Variants in IGF2BP2 observed in about 807,000 individuals in gnomAD.
IGF2BP2 encodes the protein insulin-like growth factor 2 mRNA-binding protein 2.
Under a neutral mutation model 75.8 loss-of-function variants are expected in IGF2BP2, and 17 were observed. The ratio of observed to expected loss-of-function variants is 0.22; its 90% CI spans 0.15 to 0.34. IGF2BP2 has a LOEUF of 0.34. IGF2BP2 is among the 10% of genes least tolerant of loss of function. IGF2BP2 has a pLI of 1.00. For missense variants in IGF2BP2, 516 were observed against 772.4 expected, an observed-to-expected ratio of 0.67 and a Z score of 3.93; for synonymous variants, 288 against 295.6, an observed-to-expected ratio of 0.97 and a Z score of 0.26.
intron 2 of IGF2BP2, among the ~76,000 whole-genome samples, chr3:185,801,218 G>A (rs973177203): frequency 5.3e-5 from 8 of 152,154 alleles, no homozygotes; most frequent in East Asian, 3.8e-4. Context: ...AGCTGGGCAC[G>A]GTGGCTCACG....
At position 185,814,958 on chromosome 3, in the gene IGF2BP2, T is replaced by C. The variant is rs543474343; in HGVS notation, c.239+8195A>G. ...TCCTTCTCTAAGACACAGATATTTT[T>C]AAAAATACATATAAAAATGAAAGCA... On this transcript the variant is annotated intron_variant, in intron 2 of 15. Coordinates refer to ENST00000382199, the MANE Select transcript of IGF2BP2 (RefSeq NM_006548.6). 1.6e-4 allele frequency among the ~76,000 whole-genome samples: 24 copies of C among 152,230 alleles called. No homozygotes were observed. The South Asian group carries it at 4.8e-3, about 30-fold the overall frequency.
At chr3:185,677,309 C>T (rs1268482556) in intron 7 of IGF2BP2, among the ~76,000 whole-genome samples, 1 of 151,796 alleles carries the variant, frequency 6.6e-6, no homozygotes, top group African/African-American at 2.4e-5. Context: ...GTCACTGACT[C>T]AGAGCACTGA....
chr3:185,658,316 G>A, intron 11 of IGF2BP2, 25 bp downstream of exon 11: 1 of 1,608,508 alleles, frequency 6.2e-7, no homozygotes, highest in Non-Finnish European at 8.5e-7. Flanking sequence ...AGTGGCAGGT[G>A]CGGCTGAACT....
At chr3:185,791,287 C>T (rs910809549) in intron 2 of IGF2BP2, among the ~76,000 whole-genome samples, 6 of 152,328 alleles carry the variant, frequency 3.9e-5, no homozygotes, top group Non-Finnish European at 5.9e-5. Flanking sequence ...CCAGCTCTGA[C>T]GAAGAGTTCG....
At chr3:185,692,458 T>C (rs1056975002) in intron 5 of IGF2BP2, among the ~76,000 whole-genome samples, 9 of 152,076 alleles carry the variant, frequency 5.9e-5, no homozygotes, top group Admixed American at 2.0e-4. Flanking sequence ...TCCACAAATA[T>C]CCCGGTGTGA....
Position 185,687,057 on chromosome 3 carries a change from A to G in IGF2BP2, c.812T>C (p.Leu271Pro), listed in dbSNP as rs768863666. The G allele has an allele frequency of 1.9e-6, 3 of 1,612,028 alleles. No homozygotes were observed. The highest frequency in any genetic ancestry group is 2.5e-6 in the Non-Finnish European group (3 of 1,179,726). Reference sequence around the variant, plus strand: ...ATCTGGGCATTGCATGCAAACTTACAGTTTGGTCTCATCTGCCTCTTTCTG... The same window carrying G: ...ATCTGGGCATTGCATGCAAACTTACGGTTTGGTCTCATCTGCCTCTTTCTG... The part of the protein sequence containing the change: ...IMQKEADETK[L>P]AEEIPLKILA... The change falls in exon 7 of 16, where the codon CTA becomes CCA. Residue 271 changes from leucine (L) to proline (P), a missense_variant and splice_region_variant. Physicochemically the swap from Leu to Pro is moderately conservative, Grantham distance 98. Around this residue, in one of 3 missense-constraint regions of IGF2BP2, gnomAD observed 312 missense variants for 474.5 expected, o/e 0.66. Transcript: ENST00000382199.
At position 185,774,585 on chromosome 3, in the gene IGF2BP2, ACT is replaced by A. The variant is rs1217508014; in HGVS notation, c.239+48566_239+48567del. On this transcript the variant is annotated intron_variant, in intron 2 of 15. Coordinates refer to ENST00000382199, the MANE Select transcript of IGF2BP2 (RefSeq NM_006548.6). ...ACTCCAGCCTGGGCAACAGAGCGAG[ACT>A]CTGTCTCAAAAAAAAAAAAAGAAAA... Among the ~76,000 whole-genome samples the A allele has an allele frequency of 5.3e-5, 7 of 131,692 alleles. No homozygotes were observed. The East Asian group carries it at 8.3e-4, about 16-fold the overall frequency. The allele number at this position is 131,692 out of a possible 152,430, so 86.4% of individuals were successfully genotyped here. A position where few individuals can be genotyped will look rare whatever the true frequency, so the allele number is the denominator to read the frequency against.
At chr3:185,692,784 C>A in intron 4 of IGF2BP2, 22 bp from the exon 5 acceptor site, 1 of 1,612,572 alleles carries the variant, frequency 6.2e-7, no homozygotes, top group Non-Finnish European at 8.5e-7. Flanking sequence ...GCAAAAACTA[C>A]ACTGTCATAG....
At chr3:185,753,328 CTG>C (rs1351544136) in intron 2 of IGF2BP2, among the ~76,000 whole-genome samples, 3 of 152,158 alleles carry the variant, frequency 2.0e-5, no homozygotes, top group Admixed American at 6.5e-5. Flanking sequence ...CCCTCCAAGT[CTG>C]TGTCTTCTGC....
chr3:185,739,129 G>A (rs531014791), intron 2 of IGF2BP2, among the ~76,000 whole-genome samples: 1 of 152,162 alleles, frequency 6.6e-6, no homozygotes, highest in South Asian at 2.1e-4. Context: ...CCATGTCTGG[G>A]ATTTAGCAGC....
Position 185,644,858 on chromosome 3 carries a change from C to A in IGF2BP2, c.*673G>T, listed in dbSNP as rs1260035730. 6.6e-6 allele frequency: 1 copy of A among 152,574 alleles called. No homozygotes were observed. Among genetic ancestry groups the A allele is most frequent in the Non-Finnish European group, 1.5e-5 (1 of 68,056 alleles). 9.5% of individuals were successfully genotyped at this position (152,574 alleles called of 1,614,324 possible). A position where few individuals can be genotyped will look rare whatever the true frequency, so the allele number is the denominator to read the frequency against. ...GACATACACAGGTGATCCAGAACTG[C>A]CGTGAGTGTCCTTCCGACGAGATTT... On this transcript the variant is annotated 3_prime_UTR_variant, in exon 16 of 16. Transcript: ENST00000382199.
At chr3:185,680,617 T>C (rs1560282210) in intron 7 of IGF2BP2, among the ~76,000 whole-genome samples, 1 of 152,134 alleles carries the variant, frequency 6.6e-6, no homozygotes. Flanking sequence ...CCAAGTGGGA[T>C]TTGTTCCTGG....
chr3:185,743,018 G>C (rs1271042491), intron 2 of IGF2BP2, among the ~76,000 whole-genome samples: 1 of 151,880 alleles, frequency 6.6e-6, no homozygotes, highest in Non-Finnish European at 1.5e-5. Flanking sequence ...AGAATTGCTT[G>C]AATCTGGGAG....
At chr3:185,665,188 G>GAGGAGAAGA (rs1165110656) in intron 10 of IGF2BP2, among the ~76,000 whole-genome samples, 12 of 136,422 alleles carry the variant, frequency 8.8e-5, no homozygotes, top group Non-Finnish European at 1.7e-4. Context: ...AAAAAAAAAA[G>GAGGAGAAGA]AGGAGAAGAA....
intron 2 of IGF2BP2, among the ~76,000 whole-genome samples, chr3:185,721,901 G>A (rs1726604802): frequency 6.6e-6 from 1 of 151,912 alleles, no homozygotes; most frequent in South Asian, 2.1e-4. Context: ...CTGTTTATGA[G>A]GTGCTTTTCT....
At chr3:185,650,318 CT>C (rs202216226) in intron 13 of IGF2BP2, among the ~76,000 whole-genome samples, 7 of 149,778 alleles carry the variant, frequency 4.7e-5, no homozygotes, top group South Asian at 2.1e-4. Context: ...TTACAATGTT[CT>C]TTTTTTTTCT....
At chr3:185,805,675 T>C (rs1738925622) in intron 2 of IGF2BP2, among the ~76,000 whole-genome samples, 1 of 152,120 alleles carries the variant, frequency 6.6e-6, no homozygotes, top group Non-Finnish European at 1.5e-5. Flanking sequence ...CATAGAGTTA[T>C]AGATCACATT....
intron 7 of IGF2BP2, among the ~76,000 whole-genome samples, chr3:185,680,528 C>A (rs1023419548): frequency 2.0e-5 from 3 of 152,104 alleles, no homozygotes; most frequent in Non-Finnish European, 4.4e-5. Flanking sequence ...CCATTATCTC[C>A]GATGAATATT....
chr3:185,654,047 C>T (rs1715035158), intron 12 of IGF2BP2, among the ~76,000 whole-genome samples: 1 of 152,140 alleles, frequency 6.6e-6, no homozygotes, highest in Non-Finnish European at 1.5e-5. Context: ...GGGTGGCTGC[C>T]CCTGCTTTAT....
Sources: allele counts gnomAD v4.1 joint callset (sites outside exome capture counted in the v4.1 genomes callset), GRCh38; gene constraint gnomAD v4.1.1; regional missense constraint gnomAD v4.1.1; transcripts MANE v1.5; gene names NCBI Gene and HGNC (gene_info 2026-07-23, HGNC 2026-07-21).